Variants in TOX observed in about 807,000 individuals in gnomAD.
TOX encodes the protein thymocyte selection associated high mobility group box.
Under a neutral mutation model 53.7 loss-of-function variants are expected in TOX, and 11 were observed. That is an observed-to-expected ratio of 0.20 (90% CI 0.13 to 0.34). The LOEUF (loss-of-function observed/expected upper bound fraction) is 0.34, where lower values mean the gene tolerates loss of function less well. Among genes scored for constraint, TOX ranks in the 10% least tolerant of loss-of-function variants. The pLI, the probability that TOX is intolerant of heterozygous loss-of-function variation, is 1.00. For missense variants in TOX, 570 were observed against 664.6 expected (o/e 0.86, Z 1.56); for synonymous variants, 225 against 245.3 (o/e 0.92, Z 0.77).
intron 1 of TOX, among the ~76,000 whole-genome samples, chr8:58,976,527 G>C (rs757569195): frequency 5.3e-5 from 8 of 152,172 alleles, no homozygotes; most frequent in Non-Finnish European, 8.8e-5. Context: ...TGTTAATGTG[G>C]ACATTTTGAC....
At chr8:59,032,332 T>C (rs1271319510) in intron 1 of TOX, among the ~76,000 whole-genome samples, 1 of 152,216 alleles carries the variant, frequency 6.6e-6, no homozygotes, top group Admixed American at 6.5e-5. Context: ...AGAAATAATG[T>C]CCAATGTTAC....
At chr8:58,941,319 G>C (rs1812435655) in intron 2 of TOX, among the ~76,000 whole-genome samples, 2 of 152,080 alleles carry the variant, frequency 1.3e-5, no homozygotes, top group Non-Finnish European at 2.9e-5. Flanking sequence ...TGACTATGTT[G>C]CCTCCATTTA....
At chr8:58,936,118 A>C (rs1812340726) in intron 3 of TOX, among the ~76,000 whole-genome samples, 1 of 152,184 alleles carries the variant, frequency 6.6e-6, no homozygotes, top group South Asian at 2.1e-4. Context: ...AGTAAAAACC[A>C]CCAGCGATTG....
chr8:58,847,613 T>C (rs147411428), intron 4 of TOX, among the ~76,000 whole-genome samples: 17 of 152,012 alleles, frequency 1.1e-4, no homozygotes, highest in Admixed American at 7.2e-4. Flanking sequence ...AGGCAGTATC[T>C]GAAAAAAATA....
rs936934913 is a variant in TOX at position 58,807,371 on chromosome 8, A to G, written c.*376T>C. 4.0e-5 allele frequency: 8 copies of G among 197,684 alleles called. No homozygotes were observed. Among genetic ancestry groups the G allele is most frequent in the Non-Finnish European group, 8.4e-5 (8 of 94,764 alleles). The allele number at this position is 197,684 out of a possible 1,614,324, so 12.2% of individuals were successfully genotyped here. A position where few individuals can be genotyped will look rare whatever the true frequency, so the allele number is the denominator to read the frequency against. On this transcript the variant is annotated 3_prime_UTR_variant, in exon 9 of 9. Transcript: ENST00000361421. ...CTATGACTGCTACATCAAGCCATTT[A>G]AAAAGTCTTTAGTAGTTTCATATAA...
chr8:58,869,195 C>G (rs1362194566), intron 3 of TOX, among the ~76,000 whole-genome samples: 1 of 141,830 alleles, frequency 7.1e-6, no homozygotes, highest in East Asian at 2.1e-4. Flanking sequence ...CCACTGCACT[C>G]CAGTCTGGCA....
chr8:58,867,611 C>T (rs1232070543), intron 3 of TOX, among the ~76,000 whole-genome samples: 2 of 152,214 alleles, frequency 1.3e-5, no homozygotes, highest in Non-Finnish European at 2.9e-5. Context: ...CTAACATGTA[C>T]ATGAATCTTT....
Position 58,977,795 on chromosome 8 carries a change from C to T in TOX, c.103-17787G>A, listed in dbSNP as rs185078191. Among the ~76,000 whole-genome samples the T allele has an allele frequency of 1.4e-4, 21 of 152,244 alleles. 1 individual carries two copies. The highest frequency in any genetic ancestry group is 1.0e-3 in the South Asian group (5 of 4,822). On this transcript the variant is annotated intron_variant, in intron 1 of 8. Transcript: ENST00000361421. ...AACACACACATTTATCAATTAAGTT[C>T]ATTGTCTTATATAGGTGCAGTTCAT...
intron 1 of TOX, among the ~76,000 whole-genome samples, chr8:58,965,212 A>G (rs1812872127): frequency 6.6e-6 from 1 of 152,232 alleles, no homozygotes; most frequent in Admixed American, 6.5e-5. Context: ...ATCTAAATGT[A>G]AATGGCATCA....
chr8:58,807,765 T>C lies in TOX; in HGVS notation c.1563A>G (p.Lys521=). Residue 521 remains lysine (K), a synonymous_variant, in exon 9 of 9, where the codon AAA becomes AAG. Transcript: ENST00000361421. ...YCSSGGMQRD[K]ALYLT ...CAGATTCTCAAGTAAGGTACAGTGC[T>C]TTGTCCCTCTGCATGCCCCTGTAGG... is the stretch of plus-strand genomic sequence containing the variant. 6.2e-7 allele frequency: 1 copy of C among 1,614,118 alleles called. No individual in the cohort carries two copies. Among genetic ancestry groups the C allele is most frequent in the Non-Finnish European group, 8.5e-7 (1 of 1,179,968 alleles).
chr8:58,969,435 T>C (rs988146153), intron 1 of TOX, among the ~76,000 whole-genome samples: 2 of 152,188 alleles, frequency 1.3e-5, no homozygotes, highest in Non-Finnish European at 2.9e-5. Context: ...CATCATCATA[T>C]CCGGAGTATA....
In TOX at chr8:58,974,538, A is replaced by G. The variant is rs553840142; in HGVS notation, c.103-14530T>C. On this transcript the variant is annotated intron_variant, in intron 1 of 8. Transcript: ENST00000361421. ...CAACTCTTCTAGGGCCTTTAGCACT[A>G]TTCCAGGTGTTTAGGTGTGGTGTTC... Among the ~76,000 whole-genome samples, 17 of 152,320 alleles carry G rather than the reference A, an allele frequency of 1.1e-4. No individual in the cohort carries two copies. In the Middle Eastern group the frequency reaches 0.014, roughly 122 times the overall value.
At chr8:59,011,591 T>C (rs995999074) in intron 1 of TOX, among the ~76,000 whole-genome samples, 2 of 152,098 alleles carry the variant, frequency 1.3e-5, no homozygotes, top group African/African-American at 4.8e-5. Context: ...CAAATTAGGC[T>C]AACTTTGGCT....
intron 2 of TOX, among the ~76,000 whole-genome samples, chr8:58,955,486 G>A (rs900476393): frequency 3.3e-5 from 5 of 152,098 alleles, no homozygotes; most frequent in Non-Finnish European, 7.4e-5. Context: ...AGGTCCAAGA[G>A]GAAGTGATTT....
intron 1 of TOX, among the ~76,000 whole-genome samples, chr8:59,065,433 G>A (rs1004549517): frequency 6.6e-6 from 1 of 152,096 alleles, no homozygotes; most frequent in South Asian, 2.1e-4. Flanking sequence ...CAGATAACAA[G>A]TTTTGTTATT....
chr8:58,828,174 A>T (rs1383815286), intron 5 of TOX, among the ~76,000 whole-genome samples: 4 of 152,236 alleles, frequency 2.6e-5, no homozygotes, highest in African/African-American at 7.2e-5. Flanking sequence ...GCTGAGCCCA[A>T]CGCCAGCTAT....
At chr8:59,052,108 T>C (rs1219281064) in intron 1 of TOX, among the ~76,000 whole-genome samples, 2 of 152,172 alleles carry the variant, frequency 1.3e-5, no homozygotes, top group Admixed American at 1.3e-4. Flanking sequence ...TCCGAATATA[T>C]GAGGAATCAT....
chr8:59,026,304 G>T (rs1814237519), intron 1 of TOX, among the ~76,000 whole-genome samples: 1 of 152,126 alleles, frequency 6.6e-6, no homozygotes, highest in African/African-American at 2.4e-5. Flanking sequence ...ACAGGTTTTA[G>T]TAACTAGCAA....
intron 1 of TOX, among the ~76,000 whole-genome samples, chr8:58,994,126 C>T (rs985535970): frequency 2.6e-5 from 4 of 152,122 alleles, no homozygotes; most frequent in Admixed American, 2.6e-4. Context: ...CTTTGCCAGT[C>T]GTTCCGTGAA....
Sources: allele counts gnomAD v4.1 joint callset (sites outside exome capture counted in the v4.1 genomes callset), GRCh38; gene constraint gnomAD v4.1.1; transcripts MANE v1.5; gene names NCBI Gene and HGNC (gene_info 2026-07-23, HGNC 2026-07-21).